The following VEGFC variants were observed in gnomAD, a reference collection of about 807,000 sequenced individuals.
VEGFC encodes vascular endothelial growth factor C.
VEGFC carries 12 observed loss-of-function variants against 46.1 expected under a neutral mutation model. That is an observed-to-expected ratio of 0.26 (90% confidence interval 0.17 to 0.42). VEGFC has a LOEUF of 0.42. VEGFC is among the 10% of genes least tolerant of loss of function. VEGFC has a pLI of 1.00. For synonymous variants in VEGFC, 232 were observed against 195.5 expected, an observed-to-expected ratio of 1.19 and a Z score of -1.56; for missense variants, 488 against 529.4, an observed-to-expected ratio of 0.92 and a Z score of 0.77.
chr4:176,747,015 G>A (rs537368376), intron 1 of VEGFC, among the ~76,000 whole-genome samples: 5 of 152,062 alleles, frequency 3.3e-5, no homozygotes, highest in Non-Finnish European at 4.4e-5. Flanking sequence ...TTGACTGTGC[G>A]TCTGCCGCAT....
intron 1 of VEGFC, among the ~76,000 whole-genome samples, chr4:176,737,879 T>C (rs1167869102): frequency 2.0e-5 from 3 of 151,998 alleles, no homozygotes; most frequent in East Asian, 1.9e-4. Context: ...ATGAGAGATA[T>C]TGTGGTACAT....
At chr4:176,760,119 T>G (rs749594002) in intron 1 of VEGFC, among the ~76,000 whole-genome samples, 13 of 152,172 alleles carry the variant, frequency 8.5e-5, no homozygotes, top group Non-Finnish European at 1.3e-4. Flanking sequence ...TTTTAAGAGA[T>G]ATTTTTAAAG....
chr4:176,792,409 C>A lies in VEGFC; in HGVS notation c.-98G>T. On this transcript the variant is annotated 5_prime_UTR_variant, in exon 1 of 7. Coordinates refer to ENST00000618562, the MANE Select transcript of VEGFC (RefSeq NM_005429.5). The surrounding 1 kb of genome is among the most constrained non-coding windows in gnomAD (Gnocchi z 6.3). ...GCCGCGGGCCCCTCCTGGTCCCTCT[C>A]CCCCGGGCTCCTCCCGGCGACCCCC... 3.2e-6 allele frequency: 3 copies of A among 951,662 alleles called. No homozygotes were observed. Among genetic ancestry groups the A allele is most frequent in the Non-Finnish European group, 4.3e-6 (3 of 699,652 alleles). The allele number at this position is 951,662 out of a possible 1,614,324, so 59.0% of individuals were successfully genotyped here.
At chr4:176,769,121 G>T (rs1305736531) in intron 1 of VEGFC, among the ~76,000 whole-genome samples, 2 of 152,066 alleles carry the variant, frequency 1.3e-5, no homozygotes, top group Admixed American at 6.6e-5. Flanking sequence ...ATGTGAGGGG[G>T]ACGTGCAACA....
In VEGFC at chr4:176,769,660, C is replaced by A. The variant is rs551616605; in HGVS notation, c.147+22505G>T. ...GATGGAGTTAGAATTCTAACAGGCC[C>A]TGGAGTGGGAACTAATGCTTTATCA... On this transcript the variant is annotated intron_variant, in intron 1 of 6. Transcript: ENST00000618562. Among the ~76,000 whole-genome samples, 265 of 152,192 alleles carry A rather than the reference C, an allele frequency of 1.7e-3. 1 individual carries two copies. The highest frequency in any genetic ancestry group is 3.4e-3 in the Middle Eastern group (1 of 294).
chr4:176,775,649 G>C (rs1267608770), intron 1 of VEGFC, among the ~76,000 whole-genome samples: 6 of 152,122 alleles, frequency 3.9e-5, no homozygotes, highest in Non-Finnish European at 8.8e-5. Flanking sequence ...TAATTTTGAT[G>C]ATTATGATGA....
At chr4:176,712,458 T>A (rs1257943627) in intron 3 of VEGFC, among the ~76,000 whole-genome samples, 1 of 152,186 alleles carries the variant, frequency 6.6e-6, no homozygotes, top group Admixed American at 6.5e-5. Context: ...AAATACATCA[T>A]TGATTAAGTA....
chr4:176,698,586 G>T (rs992540180), intron 4 of VEGFC, among the ~76,000 whole-genome samples: 4 of 152,026 alleles, frequency 2.6e-5, no homozygotes, highest in African/African-American at 9.7e-5. Flanking sequence ...GAGTTACTGT[G>T]TGTGTGGGGG....
At chr4:176,684,800 A>G (rs1393165651) in intron 6 of VEGFC, among the ~76,000 whole-genome samples, 1 of 152,154 alleles carries the variant, frequency 6.6e-6, no homozygotes, top group African/African-American at 2.4e-5. Context: ...ATCTCAGCTT[A>G]CTGCAACCTC....
At chr4:176,782,590 C>T (rs1735935514) in intron 1 of VEGFC, among the ~76,000 whole-genome samples, 1 of 151,244 alleles carries the variant, frequency 6.6e-6, no homozygotes, top group African/African-American at 2.4e-5. Flanking sequence ...ATTGGGAAAA[C>T]ATAATAGCAC....
intron 1 of VEGFC, among the ~76,000 whole-genome samples, chr4:176,737,270 G>A (rs1271201842): frequency 1.1e-5 from 1 of 87,594 alleles, no homozygotes; most frequent in East Asian, 4.5e-4. Flanking sequence ...AATAAATATA[G>A]AATATGTTTA....
intron 1 of VEGFC, among the ~76,000 whole-genome samples, chr4:176,780,387 A>AAAAAAAAAAAAACAAAC (rs1553997803): frequency 7.0e-5 from 8 of 114,752 alleles, no homozygotes; most frequent in Non-Finnish European, 1.4e-4. Context: ...ATCTCAAAAA[A>AAAAAAAAAAAAACAAAC]AAAAAAAAAA....
chr4:176,724,537 G>A, intron 3 of VEGFC, among the ~76,000 whole-genome samples: 1 of 152,206 alleles, frequency 6.6e-6, no homozygotes, highest in South Asian at 2.1e-4. Context: ...ACAAATATTG[G>A]GTCTAATCCA....
intron 1 of VEGFC, among the ~76,000 whole-genome samples, chr4:176,755,762 A>C (rs1735422563): frequency 6.6e-6 from 1 of 151,988 alleles, no homozygotes; most frequent in Non-Finnish European, 1.5e-5. Context: ...TTCAACCCAT[A>C]CGTTAATTTC....
rs1437398209 is a variant in VEGFC at position 176,711,518 on chromosome 4, G to A, written c.685C>T (p.Leu229=). Residue 229 remains leucine, a synonymous_variant, in exon 4 of 7, where the codon CTG becomes TTG. Transcript: ENST00000618562. ...RQVHSIIRRS[L]PATLPQCQAA... is the part of the protein sequence containing the mutation. Reference sequence around the variant, plus strand: ...ACTCACTGTGGTAGTGTTGCTGGCAGGGAACGTCTAATAATGGAATGAACT... The same window carrying A: ...ACTCACTGTGGTAGTGTTGCTGGCAAGGAACGTCTAATAATGGAATGAACT... The A allele has an allele frequency of 6.2e-7, 1 of 1,612,868 alleles. No individual in the cohort carries two copies.
intron 1 of VEGFC, among the ~76,000 whole-genome samples, chr4:176,791,171 C>T (rs1339827207): frequency 6.6e-6 from 1 of 152,186 alleles, no homozygotes; most frequent in Non-Finnish European, 1.5e-5. Flanking sequence ...TAACACACCA[C>T]AGGTACCTCT....
intron 1 of VEGFC, among the ~76,000 whole-genome samples, chr4:176,750,413 A>C (rs1046671220): frequency 6.6e-6 from 1 of 151,808 alleles, no homozygotes; most frequent in Non-Finnish European, 1.5e-5. Flanking sequence ...AAGAAAATAT[A>C]CTATATAGAT....
intron 4 of VEGFC, among the ~76,000 whole-genome samples, chr4:176,702,374 G>A (rs956032034): frequency 6.6e-6 from 1 of 151,212 alleles, no homozygotes; most frequent in East Asian, 1.9e-4. Context: ...TTTTCACCAC[G>A]AGGCGACTGT....
chr4:176,784,190 T>A (rs765651448), intron 1 of VEGFC, among the ~76,000 whole-genome samples: 3 of 150,166 alleles, frequency 2.0e-5, no homozygotes, highest in Non-Finnish European at 1.5e-5. Flanking sequence ...CACCTCAGCC[T>A]CCAGAGTAGC....
Sources: gnomAD v4.1 joint callset for allele counts (sites outside exome capture counted in the v4.1 genomes callset) on GRCh38, gnomAD v4.1.1 for gene constraint, Gnocchi (gnomAD v3.1) non-coding constraint, MANE v1.5 for transcripts, NCBI Gene and HGNC (gene_info 2026-07-23, HGNC 2026-07-21) for gene names.